Variants in SMARCA2 observed in about 807,000 individuals in gnomAD.
The protein encoded by SMARCA2 is SWI/SNF-related matrix-associated actin-dependent regulator of chromatin subfamily A member 2.
SMARCA2 carries 61 observed loss-of-function variants against 199.8 expected under a neutral mutation model. The observed-to-expected ratio is 0.31, with a 90% CI of 0.25 to 0.38. The LOEUF (loss-of-function observed/expected upper bound fraction) is 0.38. SMARCA2 is among the 10% of genes least tolerant of loss of function. The probability of loss-of-function intolerance (pLI) is 1.00; values close to 1 mark genes in which losing one functional copy is unlikely to be tolerated. For missense variants in SMARCA2, 1,344 were observed against 2,012.2 expected, an observed-to-expected ratio of 0.67 and a Z score of 6.35; for synonymous variants, 935 against 732.0, an observed-to-expected ratio of 1.28 and a Z score of -4.48.
At chr9:2,047,657 G>A in intron 5 of SMARCA2, 173 bp downstream of exon 5, 1 of 766,820 alleles carries the variant, frequency 1.3e-6, no homozygotes, top group Non-Finnish European at 1.8e-6. Flanking sequence ...GAGGCACCGG[G>A]GTTTTGAAGA....
In SMARCA2 at chr9:2,073,320, G is replaced by A. The variant is rs1319646165; in HGVS notation, c.1855G>A (p.Ala619Thr). 4 of 1,614,056 alleles carry A rather than the reference G, an allele frequency of 2.5e-6. No homozygotes were observed. Among genetic ancestry groups the A allele is most frequent in the Admixed American group, 1.7e-5 (1 of 60,008 alleles). ...AGCACCCAAAGCAAGTCAGCTGGAC[G>A]CCTGGCTGGAAATGAATCCTGGGTA... ...PEAPKASQLD[A>T]WLEMNPGYEV... Residue 619 changes from alanine (A) to threonine (T), a missense_variant, in exon 11 of 34, where the codon GCC becomes ACC. Transcript: ENST00000349721.
chr9:2,031,952 C>G (rs1486037578), intron 2 of SMARCA2, among the ~76,000 whole-genome samples: 1 of 152,058 alleles, frequency 6.6e-6, no homozygotes, highest in Non-Finnish European at 1.5e-5. Context: ...GCTTTGATTT[C>G]CTCTCTATTA....
At chr9:2,032,614 T>C (rs930232138) in intron 2 of SMARCA2, 13 of 175,964 alleles carry the variant, frequency 7.4e-5, no homozygotes, top group South Asian at 3.8e-4. Flanking sequence ...AACTTCAACA[T>C]ATAACAGGTT....
intron 27 of SMARCA2, chr9:2,158,362 A>C (rs998832241): frequency 3.3e-5 from 5 of 153,568 alleles, no homozygotes; most frequent in African/African-American, 1.2e-4. Context: ...TGCCTCACTA[A>C]ACTTCGCTGT....
chr9:2,040,069 C>G (rs1294097985), intron 4 of SMARCA2, 169 bp downstream of exon 4: 5 of 1,310,934 alleles, frequency 3.8e-6, no homozygotes, highest in Non-Finnish European at 5.1e-6. Context: ...CTTGGTCTTC[C>G]CCTGCTGTTG....
At chr9:2,131,417 G>C (rs935677582) in intron 27 of SMARCA2, among the ~76,000 whole-genome samples, 4 of 152,168 alleles carry the variant, frequency 2.6e-5, no homozygotes, top group African/African-American at 9.7e-5. Context: ...TTGGGCCCCA[G>C]TAAACGCTAC....
At chr9:2,174,944 A>T (rs1009183029) in intron 29 of SMARCA2, among the ~76,000 whole-genome samples, 28 of 146,280 alleles carry the variant, frequency 1.9e-4, no homozygotes, top group African/African-American at 7.1e-4. Context: ...AAAAAAAAAA[A>T]AAAAAAAAGG....
At chr9:2,153,025 A>T (rs978126431) in intron 27 of SMARCA2, among the ~76,000 whole-genome samples, 2 of 152,150 alleles carry the variant, frequency 1.3e-5, no homozygotes, top group African/African-American at 4.8e-5. Flanking sequence ...AACGATGAAG[A>T]TGACCCAGAG....
chr9:2,098,570 G>A (rs1424888184), intron 21 of SMARCA2, among the ~76,000 whole-genome samples: 1 of 152,180 alleles, frequency 6.6e-6, no homozygotes, highest in African/African-American at 2.4e-5. Flanking sequence ...GAGAGAGTGT[G>A]TGGGCATAGA....
intron 26 of SMARCA2, among the ~76,000 whole-genome samples, chr9:2,121,713 TAAC>T (rs1002432256): frequency 2.0e-5 from 3 of 152,218 alleles, no homozygotes; most frequent in African/African-American, 4.8e-5. Flanking sequence ...TTATTTAAAA[TAAC>T]GTCTTTTAAA....
At chr9:2,061,300 G>A (rs977247566) in intron 9 of SMARCA2, among the ~76,000 whole-genome samples, 4 of 152,168 alleles carry the variant, frequency 2.6e-5, no homozygotes, top group African/African-American at 9.7e-5. Context: ...ATAAGTGTTC[G>A]CTTAAGTTTA....
At position 2,161,142 on chromosome 9, in the gene SMARCA2, T is replaced by C. The variant is rs1307043461; in HGVS notation, c.3982-544T>C. On this transcript the variant is annotated intron_variant, in intron 27 of 33. Coordinates refer to ENST00000349721, the MANE Select transcript of SMARCA2 (RefSeq NM_003070.5). This position sits in a 1 kb window ranked among gnomAD's most constrained non-coding sequence, Gnocchi z 4.7. Reference sequence around the variant, plus strand: ...GCTTTGTACTTTCCCGTTTCCTTGTTTACTAATTGCCACGTTAGAACAAAA... The same window carrying C: ...GCTTTGTACTTTCCCGTTTCCTTGTCTACTAATTGCCACGTTAGAACAAAA... 6.4e-6 allele frequency: 1 copy of C among 155,060 alleles called. No homozygotes were observed. Among genetic ancestry groups the C allele is most frequent in the African/African-American group, 2.4e-5 (1 of 41,474 alleles). The allele number at this position is 155,060 out of a possible 1,614,324, so 9.6% of individuals were successfully genotyped here. A position where few individuals can be genotyped will look rare whatever the true frequency, so the allele number is the denominator to read the frequency against.
chr9:2,080,753 A>G (rs922711907), intron 14 of SMARCA2, among the ~76,000 whole-genome samples: 5 of 152,232 alleles, frequency 3.3e-5, no homozygotes, highest in South Asian at 2.1e-4. Flanking sequence ...CTTCAAACCA[A>G]TGCGGTGTCT....
intron 27 of SMARCA2, among the ~76,000 whole-genome samples, chr9:2,154,513 A>G (rs1351445925): frequency 3.9e-5 from 6 of 152,124 alleles, no homozygotes; most frequent in Non-Finnish European, 5.9e-5. Context: ...TCTCATCAGT[A>G]TCTTATTAAT....
chr9:2,117,268 A>C (rs1823254389), intron 25 of SMARCA2, among the ~76,000 whole-genome samples: 1 of 152,176 alleles, frequency 6.6e-6, no homozygotes, highest in African/African-American at 2.4e-5. Flanking sequence ...CCCATTTGCA[A>C]ATTGAAGAGC....
chr9:2,136,186 C>CT (rs35768052), intron 27 of SMARCA2, among the ~76,000 whole-genome samples: 2,503 of 131,510 alleles, frequency 0.019, 29 homozygotes, highest in Middle Eastern at 0.079. Flanking sequence ...TCCCCTGCTT[C>CT]TTTTTTTTTT....
chr9:2,022,822 G>C (rs1423738357), intron 1 of SMARCA2, among the ~76,000 whole-genome samples: 2 of 152,088 alleles, frequency 1.3e-5, no homozygotes, highest in Non-Finnish European at 2.9e-5. Context: ...TACCTTTCAG[G>C]GTGTCATGAT....
Position 2,169,613 on chromosome 9 carries a change from AT to A in SMARCA2, c.4200-803del, listed in dbSNP as rs768885617. The stretch of plus-strand genomic sequence containing the variant: ...AATGGGGCAGTGACTCCGAGAAGGG[AT>A]TTATACATGGACAGGCACAGGCTGT... On this transcript the variant is annotated intron_variant, in intron 28 of 33. Coordinates refer to ENST00000349721, the MANE Select transcript of SMARCA2 (RefSeq NM_003070.5). This position sits in a 1 kb window ranked among gnomAD's most constrained non-coding sequence, Gnocchi z 6.5. 4.7e-4 allele frequency among the ~76,000 whole-genome samples: 72 copies of A among 152,022 alleles called. No homozygotes were observed. Among genetic ancestry groups the A allele is most frequent in the Non-Finnish European group, 7.5e-4 (51 of 67,992 alleles).
chr9:2,191,431 G>A, intron 33 of SMARCA2, 23 bp downstream of exon 33: 1 of 1,613,060 alleles, frequency 6.2e-7, no homozygotes, highest in Non-Finnish European at 8.5e-7. Flanking sequence ...GACTGGGACT[G>A]AAGGCGGAGA....
Sources: allele counts gnomAD v4.1 joint callset (sites outside exome capture counted in the v4.1 genomes callset), GRCh38; gene constraint gnomAD v4.1.1; non-coding constraint Gnocchi (gnomAD v3.1); transcripts MANE v1.5; gene names NCBI Gene and HGNC (gene_info 2026-07-23, HGNC 2026-07-21).